Variants in MESD observed in about 807,000 individuals in gnomAD.
The protein encoded by MESD is mesoderm development LRP chaperone.
MESD carries 7 observed loss-of-function variants against 12.9 expected under a neutral mutation model. That is an observed-to-expected ratio of 0.54 (90% CI 0.31 to 1.02). The LOEUF (loss-of-function observed/expected upper bound fraction) is 1.02, where lower values mean the gene tolerates loss of function less well. Ranked by LOEUF, MESD falls within the 50% of genes least tolerant of loss-of-function variation. MESD has a pLI of 0.05. For missense variants in MESD, 342 were observed against 296.7 expected, an observed-to-expected ratio of 1.15 and a Z score of -1.12; for synonymous variants, 126 against 115.6, an observed-to-expected ratio of 1.09 and a Z score of -0.58.
At chr15:80,988,954 T>TA (rs1466284769) in intron 1 of MESD, among the ~76,000 whole-genome samples, 4 of 152,206 alleles carry the variant, frequency 2.6e-5, no homozygotes, top group African/African-American at 4.8e-5. Flanking sequence ...CCAGAAAACT[T>TA]ACTCTCCTTT....
chr15:80,961,335 A>T (rs1036978216), intron 3 of MESD, among the ~76,000 whole-genome samples: 1 of 152,154 alleles, frequency 6.6e-6, no homozygotes. Context: ...AGATTACATA[A>T]GAAAAAATAT....
chr15:80,987,243 G>T (rs564098963), intron 1 of MESD, among the ~76,000 whole-genome samples: 1 of 152,082 alleles, frequency 6.6e-6, no homozygotes, highest in Middle Eastern at 3.2e-3. Flanking sequence ...TGAGGGTATG[G>T]ATTTAGAGAT....
At position 80,989,633 on chromosome 15, in the gene MESD, C is replaced by T. The variant is rs1686968394; in HGVS notation, c.159G>A (p.Lys53=). 8.7e-6 allele frequency: 14 copies of T among 1,613,344 alleles called. No homozygotes were observed. The highest frequency in any genetic ancestry group is 2.2e-5 in the East Asian group (1 of 44,884). The change falls in exon 1 of 3, where the codon AAG becomes AAA. Residue 53 remains lysine, a synonymous_variant. Coordinates refer to ENST00000261758, the MANE Select transcript of MESD (RefSeq NM_015154.3). ...CTGCATCATTGTAATCGCGAATATC[C>T]TTCTTCTTCTTCCGGGGAGGTGGGG... ...ESTPPPRKKK[K]DIRDYNDADM...
At chr15:80,985,107 C>T (rs988444903) in intron 1 of MESD, among the ~76,000 whole-genome samples, 11 of 152,242 alleles carry the variant, frequency 7.2e-5, no homozygotes, top group African/African-American at 2.7e-4. Context: ...CTTTTCCACT[C>T]TGCCACCCTC....
intron 1 of MESD, among the ~76,000 whole-genome samples, chr15:80,984,150 C>G (rs541233551): frequency 2.0e-5 from 3 of 152,074 alleles, no homozygotes; most frequent in Non-Finnish European, 4.4e-5. Context: ...CTGCCCACCT[C>G]GGCCTCCCAA....
At chr15:80,966,364 C>T (rs187860665) in intron 3 of MESD, among the ~76,000 whole-genome samples, 162 of 152,228 alleles carry the variant, frequency 1.1e-3, no homozygotes, top group Non-Finnish European at 1.7e-3. Flanking sequence ...TAAATTATGG[C>T]CTCATTTGAT....
At chr15:80,966,474 TCA>T (rs1487121209) in intron 3 of MESD, among the ~76,000 whole-genome samples, 1 of 152,208 alleles carries the variant, frequency 6.6e-6, no homozygotes, top group Non-Finnish European at 1.5e-5. Context: ...TTTCTGAAAG[TCA>T]CAGAGTATTA....
intron 3 of MESD, chr15:80,970,538 T>C (rs1389742837): frequency 6.6e-6 from 1 of 152,242 alleles, no homozygotes; most frequent in Non-Finnish European, 1.5e-5. Context: ...TGTTGTACTT[T>C]CTGACATCAA....
downstream of MESD, among the ~76,000 whole-genome samples, chr15:80,975,493 G>A (rs1902386678): frequency 1.3e-5 from 2 of 152,156 alleles, no homozygotes; most frequent in South Asian, 4.1e-4. Context: ...CACTGTGGGT[G>A]CAGAAGGTGG....
At chr15:80,947,110 A>C (rs1178931033), downstream of MESD, 2 of 1,261,108 alleles carry the variant, frequency 1.6e-6, no homozygotes, top group African/African-American at 1.5e-5. Context: ...AAACCAGAGA[A>C]GGCAAATGCC....
intron 1 of MESD, among the ~76,000 whole-genome samples, chr15:80,985,702 ATGGT>A (rs1418475350): frequency 2.8e-5 from 4 of 141,514 alleles, no homozygotes; most frequent in Non-Finnish European, 3.0e-5. Context: ...TTGGAATGCA[ATGGT>A]GCTGGTGCAA....
At chr15:80,968,096 T>G (rs1473599591) in intron 3 of MESD, among the ~76,000 whole-genome samples, 1 of 152,234 alleles carries the variant, frequency 6.6e-6, no homozygotes, top group African/African-American at 2.4e-5. Context: ...AACTGCAGTC[T>G]CCTGCAGACC....
At position 80,976,426 on chromosome 15, in the gene MESD, G is replaced by A. The variant is rs1045895701; in HGVS notation, c.*2793C>T. On this transcript the variant is annotated 3_prime_UTR_variant, in exon 3 of 3. Transcript: ENST00000261758. Reference sequence around the variant, plus strand: ...ATGTTTAAATCTTATCCACATGTCTGTGCCTGGGCTGGGAAGACTCATGCA... The same window carrying A: ...ATGTTTAAATCTTATCCACATGTCTATGCCTGGGCTGGGAAGACTCATGCA... 4.6e-5 allele frequency: 7 copies of A among 152,638 alleles called. No individual in the cohort carries two copies. Among genetic ancestry groups the A allele is most frequent in the African/African-American group, 1.7e-4 (7 of 41,466 alleles). 9.5% of individuals were successfully genotyped at this position (152,638 alleles called of 1,614,324 possible).
intron 4 of MESD, chr15:80,950,812 CAG>C (rs2141774699): frequency 6.5e-6 from 1 of 152,798 alleles, no homozygotes; most frequent in South Asian, 2.1e-4. Flanking sequence ...CACGAGGCAC[CAG>C]AGTCTCCCTG....
chr15:80,957,884 C>A (rs28541937), intron 3 of MESD, among the ~76,000 whole-genome samples: 2 of 149,516 alleles, frequency 1.3e-5, no homozygotes, highest in Non-Finnish European at 3.0e-5. Flanking sequence ...CACCCCCCCA[C>A]CCCCATATTA....
intron 1 of MESD, among the ~76,000 whole-genome samples, chr15:80,989,098 T>C (rs1024002535): frequency 2.0e-5 from 3 of 152,170 alleles, no homozygotes; most frequent in African/African-American, 7.2e-5. Context: ...TCTAAAATTA[T>C]ACTGATTTAG....
At chr15:80,965,098 C>A (rs541044822) in intron 3 of MESD, among the ~76,000 whole-genome samples, 1 of 152,152 alleles carries the variant, frequency 6.6e-6, no homozygotes, top group Non-Finnish European at 1.5e-5. Flanking sequence ...AGAACTTAAA[C>A]AAATTTACAA....
intron 1 of MESD, among the ~76,000 whole-genome samples, chr15:80,988,500 G>C (rs1175941959): frequency 6.6e-6 from 1 of 152,080 alleles, no homozygotes; most frequent in Non-Finnish European, 1.5e-5. Context: ...AAGAGACAAG[G>C]AGATTGCAAG....
At chr15:80,986,637 T>G (rs1364533618) in intron 1 of MESD, among the ~76,000 whole-genome samples, 1 of 152,220 alleles carries the variant, frequency 6.6e-6, no homozygotes. Flanking sequence ...ATGATCAGTG[T>G]GTTTATGCTG....
Sources: allele counts gnomAD v4.1 joint callset (sites outside exome capture counted in the v4.1 genomes callset), GRCh38; gene constraint gnomAD v4.1.1; transcripts MANE v1.5; gene names NCBI Gene and HGNC (gene_info 2026-07-23, HGNC 2026-07-21).